SNX8: variants seen among roughly 807,000 people sequenced by gnomAD.
SNX8 encodes the protein sorting nexin 8.
SNX8 carries 25 observed loss-of-function variants against 51.6 expected under a neutral mutation model. The ratio of observed to expected loss-of-function variants is 0.48; its 90% confidence interval spans 0.35 to 0.68. The LOEUF (loss-of-function observed/expected upper bound fraction) is 0.68. SNX8 is among the 30% of genes least tolerant of loss of function. SNX8 has a pLI of 0.00. For missense variants in SNX8, 695 were observed against 624.0 expected (o/e 1.11, Z -1.21); for synonymous variants, 324 against 277.0 (o/e 1.17, Z -1.68).
chr7:2,347,137 C>A (rs1779046858), intron 1 of SNX8, among the ~76,000 whole-genome samples: 1 of 151,882 alleles, frequency 6.6e-6, no homozygotes, highest in Non-Finnish European at 1.5e-5. Flanking sequence ...CCAGCTGGGG[C>A]AACATAGCTA....
At chr7:2,287,566 CA>C (rs1185363076) in intron 1 of SNX8, among the ~76,000 whole-genome samples, 1 of 150,876 alleles carries the variant, frequency 6.6e-6, no homozygotes, top group Non-Finnish European at 1.5e-5. Context: ...GCAACAAGAG[CA>C]AAACTTTGTC....
At chr7:2,317,615 G>A (rs1055159981), upstream of SNX8, among the ~76,000 whole-genome samples, 1 of 151,948 alleles carries the variant, frequency 6.6e-6, no homozygotes, top group Non-Finnish European at 1.5e-5. Context: ...ACAATGTCCG[G>A]GGAGTTGATT....
At chr7:2,323,875 G>A (rs1012122552) in intron 1 of SNX8, among the ~76,000 whole-genome samples, 53 of 151,982 alleles carry the variant, frequency 3.5e-4, no homozygotes, top group African/African-American at 1.2e-3. Context: ...GCACCATCTC[G>A]GCTCACTGCA....
intron 1 of SNX8, among the ~76,000 whole-genome samples, chr7:2,285,811 T>C (rs996832009): frequency 6.6e-6 from 1 of 151,654 alleles, no homozygotes; most frequent in Non-Finnish European, 1.5e-5. Context: ...GAACTATAAA[T>C]GTAGTACACG....
At chr7:2,330,175 T>C (rs1221692896) in intron 1 of SNX8, among the ~76,000 whole-genome samples, 1 of 146,660 alleles carries the variant, frequency 6.8e-6, no homozygotes, top group Non-Finnish European at 1.5e-5. Flanking sequence ...TCTCACTCTC[T>C]TGCCCAGGCT....
chr7:2,254,747 A>T lies in SNX8; in HGVS notation c.*309T>A. The T allele has an allele frequency of 2.4e-6, 1 of 423,966 alleles. No individual in the cohort carries two copies. Among genetic ancestry groups the T allele is most frequent in the Non-Finnish European group, 4.3e-6 (1 of 231,576 alleles). The allele number at this position is 423,966 out of a possible 1,614,324, so 26.3% of individuals were successfully genotyped here. A position where few individuals can be genotyped will look rare whatever the true frequency, so the allele number is the denominator to read the frequency against. On this transcript the variant is annotated 3_prime_UTR_variant, in exon 11 of 11. Transcript: ENST00000222990. The stretch of plus-strand genomic sequence containing the variant: ...CCTGCCTCCACGCTCCCCCAGGCAC[A>T]ATCTCTGTGAGATGAGAGATCCCTG...
intron 1 of SNX8, among the ~76,000 whole-genome samples, chr7:2,296,062 G>A (rs1451388151): frequency 6.6e-6 from 1 of 152,026 alleles, no homozygotes; most frequent in East Asian, 1.9e-4. Flanking sequence ...TGCCTTTTCG[G>A]GCTCATTGTT....
chr7:2,350,537 C>T (rs1177265675), intron 1 of SNX8, among the ~76,000 whole-genome samples: 2 of 152,218 alleles, frequency 1.3e-5, no homozygotes, highest in Non-Finnish European at 2.9e-5. Flanking sequence ...AGCGCGGTGG[C>T]TCATGCCTAT....
At position 2,324,554 on chromosome 7, in the gene SNX8, G is replaced by T. The variant is rs1023630494; in HGVS notation, c.-66+29668C>A. 1.4e-4 allele frequency among the ~76,000 whole-genome samples: 22 copies of T among 152,040 alleles called. No homozygotes were observed. In the South Asian group the frequency reaches 2.5e-3, roughly 17 times the overall value. ...AATCTGCCCACCTCAGCCTCCTAAA[G>T]TGCTAGGATTACAAGAGTGAGCCAC... On this transcript the variant is annotated intron_variant, in intron 1 of 5. Coordinates refer to the SNX8 transcript ENST00000435336.
rs930547825 is a variant in SNX8 at position 2,254,867 on chromosome 7, G to A, written c.*189C>T. 4 of 620,758 alleles carry A rather than the reference G, an allele frequency of 6.4e-6. No homozygotes were observed. The highest frequency in any genetic ancestry group is 4.9e-5 in the Admixed American group (2 of 41,036). 38.5% of individuals were successfully genotyped at this position (620,758 alleles called of 1,614,324 possible). A position where few individuals can be genotyped will look rare whatever the true frequency, so the allele number is the denominator to read the frequency against. On this transcript the variant is annotated 3_prime_UTR_variant, in exon 11 of 11. Coordinates refer to ENST00000222990, the MANE Select transcript of SNX8 (RefSeq NM_013321.4). ...CTAGCAGGCCACAGGGCGAAGGACAGTGTGGCCCAGCTGCCCCCATGGTCC... is the reference window on the plus strand; with the variant it reads ...CTAGCAGGCCACAGGGCGAAGGACAATGTGGCCCAGCTGCCCCCATGGTCC...
At chr7:2,346,127 G>A (rs1030076313) in intron 1 of SNX8, among the ~76,000 whole-genome samples, 6 of 152,066 alleles carry the variant, frequency 3.9e-5, no homozygotes, top group Admixed American at 1.3e-4. Flanking sequence ...AATAGCATAT[G>A]GGTCTACTAT....
At chr7:2,257,643 T>A (rs1584663617) in intron 8 of SNX8, 92 bp downstream of exon 8, 2 of 1,559,180 alleles carry the variant, frequency 1.3e-6, no homozygotes, top group East Asian at 4.5e-5. Flanking sequence ...GCTTCTCAGC[T>A]CCTCTTCCGT....
chr7:2,280,058 G>C (rs1485146143), intron 1 of SNX8, among the ~76,000 whole-genome samples: 1 of 152,100 alleles, frequency 6.6e-6, no homozygotes, highest in Non-Finnish European at 1.5e-5. Flanking sequence ...GGAGGGGAGA[G>C]AAGAAGGGAG....
At chr7:2,319,210 A>G (rs757656493), upstream of SNX8, among the ~76,000 whole-genome samples, 1 of 151,758 alleles carries the variant, frequency 6.6e-6, no homozygotes, top group Non-Finnish European at 1.5e-5. Flanking sequence ...GTTGTGGCAC[A>G]TGCCTGTAAT....
chr7:2,291,584 C>G (rs193163097), intron 1 of SNX8, among the ~76,000 whole-genome samples: 3 of 149,516 alleles, frequency 2.0e-5, no homozygotes. Flanking sequence ...GGTTATAGAG[C>G]GAGACTCGGT....
chr7:2,257,329 G>A, intron 9 of SNX8, 36 bp downstream of exon 9: 1 of 1,587,970 alleles, frequency 6.3e-7, no homozygotes, highest in Non-Finnish European at 8.5e-7. Flanking sequence ...GAGGGGAAAG[G>A]CTCCCACGGG....
upstream of SNX8, among the ~76,000 whole-genome samples, chr7:2,318,139 G>A (rs991086375): frequency 3.3e-5 from 5 of 152,032 alleles, no homozygotes; most frequent in African/African-American, 9.7e-5. Context: ...TCAAACTCCT[G>A]GCCTCAATCA....
intron 1 of SNX8, among the ~76,000 whole-genome samples, chr7:2,322,109 T>C (rs1778532206): frequency 1.3e-5 from 2 of 152,200 alleles, no homozygotes; most frequent in Non-Finnish European, 2.9e-5. Flanking sequence ...GATTCACATG[T>C]AGTGCTTTTC....
intron 1 of SNX8, among the ~76,000 whole-genome samples, chr7:2,324,708 G>C (rs992432863): frequency 5.9e-5 from 9 of 152,190 alleles, no homozygotes; most frequent in African/African-American, 2.2e-4. Context: ...TAAGATCCCA[G>C]AGCTGAGATC....
Sources: allele counts gnomAD v4.1 joint callset (sites outside exome capture counted in the v4.1 genomes callset), GRCh38; gene constraint gnomAD v4.1.1; transcripts MANE v1.5; gene names NCBI Gene and HGNC (gene_info 2026-07-23, HGNC 2026-07-21).